Variants in CASZ1 observed in about 807,000 individuals in gnomAD.
The protein encoded by CASZ1 is zinc finger protein castor homolog 1.
A neutral mutation model predicts 135.2 loss-of-function variants in CASZ1; 28 were observed. That is an observed-to-expected ratio of 0.21 (90% CI 0.15 to 0.28). CASZ1 has a LOEUF of 0.28. CASZ1 is among the 10% of genes least tolerant of loss of function. The pLI is 1.00. For synonymous variants in CASZ1, 1,068 were observed against 1,073.4 expected (o/e 0.99, Z 0.10); for missense variants, 2,161 against 2,453.3 (o/e 0.88, Z 2.52).
intron 2 of CASZ1, among the ~76,000 whole-genome samples, chr1:10,729,098 T>G (rs1256239028): frequency 7.9e-3 from 186 of 23,458 alleles, no homozygotes; most frequent in South Asian, 0.012. Flanking sequence ...GGAAGGGGAG[T>G]GGGGAGGAGA....
Position 10,656,756 on chromosome 1 carries a change from G to A in CASZ1, c.1410-20C>T. ...GAGAACCTGGAGGGAGGAGGGGTGG[G>A]GTCAGGGCCCTGCTGTGGGTGACAG... On this transcript the variant is annotated intron_variant, in intron 7 of 20. Coordinates refer to ENST00000377022, the MANE Select transcript of CASZ1 (RefSeq NM_001079843.3). 3.9e-6 allele frequency: 6 copies of A among 1,532,620 alleles called. No individual in the cohort carries two copies. The highest frequency in any genetic ancestry group is 5.3e-6 in the Non-Finnish European group (6 of 1,124,020). The allele number at this position is 1,532,620 out of a possible 1,614,324, so 94.9% of individuals were successfully genotyped here.
At chr1:10,677,057 T>C (rs1054737219) in intron 4 of CASZ1, among the ~76,000 whole-genome samples, 5 of 152,164 alleles carry the variant, frequency 3.3e-5, no homozygotes, top group African/African-American at 1.2e-4. Flanking sequence ...CCCTCTTTCC[T>C]GGGCAGAGCC....
chr1:10,647,836 G>C lies in CASZ1; in HGVS notation c.3462C>G (p.Pro1154=). 1 of 1,613,938 alleles carries C rather than the reference G, an allele frequency of 6.2e-7. No individual in the cohort carries two copies. The highest frequency in any genetic ancestry group is 1.1e-5 in the South Asian group (1 of 91,078). The change falls in exon 16 of 21, where the codon CCC becomes CCG. Residue 1154 remains proline, a synonymous_variant. Transcript: ENST00000377022. The surrounding 1 kb of genome is among the most constrained non-coding windows in gnomAD (Gnocchi z 4.9). ...LATTSLENAK[P]QVKPGFLQFQ... ...ACTGGAGGAATCCGGGTTTGACCTG[G>C]GGCTTGGCGTTCTCTAGAGAAGTCG...
chr1:10,717,593 A>C lies in CASZ1; in HGVS notation c.-76-12049T>G, dbSNP rs552266818. The stretch of plus-strand genomic sequence containing the variant: ...CCCCCTCCAACCAGTTCAGATTTCC[A>C]GCTGCTCAGACACTTTGGGATCAGA... On this transcript the variant is annotated intron_variant, in intron 2 of 20. Transcript: ENST00000377022. This position sits in a 1 kb window ranked among gnomAD's most constrained non-coding sequence, Gnocchi z 4.6. 6.6e-6 allele frequency among the ~76,000 whole-genome samples: 1 copy of C among 152,074 alleles called. No individual in the cohort carries two copies. Among genetic ancestry groups the C allele is most frequent in the South Asian group, 2.1e-4 (1 of 4,826 alleles).
chr1:10,776,506 T>C lies in CASZ1; in HGVS notation c.-233-15649A>G, dbSNP rs908377617. ...TCTTGGCCTCTCAGTACTCGGCAAG[T>C]TCACACCAGAGGGCTCTGACACGAG... On this transcript the variant is annotated intron_variant, in intron 1 of 20. Coordinates refer to ENST00000377022, the MANE Select transcript of CASZ1 (RefSeq NM_001079843.3). The surrounding 1 kb of genome is among the most constrained non-coding windows in gnomAD (Gnocchi z 4.1). Among the ~76,000 whole-genome samples, 1 of 152,196 alleles carries C rather than the reference T, an allele frequency of 6.6e-6. No individual in the cohort carries two copies. Among genetic ancestry groups the C allele is most frequent in the Non-Finnish European group, 1.5e-5 (1 of 68,032 alleles).
intron 15 of CASZ1, 65 bp downstream of exon 15, chr1:10,649,005 C>T: frequency 3.8e-6 from 6 of 1,586,394 alleles, no homozygotes; most frequent in East Asian, 2.3e-5. Flanking sequence ...CTGAGCCCCA[C>T]CCACCCCAGA....
chr1:10,768,027 C>T (rs1009778854), intron 1 of CASZ1, among the ~76,000 whole-genome samples: 1 of 152,186 alleles, frequency 6.6e-6, no homozygotes, highest in Non-Finnish European at 1.5e-5. Flanking sequence ...AGGGGCCTTC[C>T]GGGAGCTGGA....
At chr1:10,753,096 C>A (rs1410998737) in intron 2 of CASZ1, among the ~76,000 whole-genome samples, 1 of 152,170 alleles carries the variant, frequency 6.6e-6, no homozygotes, top group African/African-American at 2.4e-5. Context: ...TAAGTATGTC[C>A]CAAACATTGC....
At chr1:10,783,676 C>T (rs1640803398) in intron 1 of CASZ1, among the ~76,000 whole-genome samples, 1 of 151,828 alleles carries the variant, frequency 6.6e-6, no homozygotes, top group Admixed American at 6.6e-5. Flanking sequence ...GGTTCGAGAC[C>T]AGCCTGACCA....
rs923552130 is a variant in CASZ1, at chr1:10,709,598, AAAAG to A, written c.-76-4058_-76-4055del. On this transcript the variant is annotated intron_variant, in intron 2 of 20. Coordinates refer to ENST00000377022, the MANE Select transcript of CASZ1 (RefSeq NM_001079843.3). The surrounding 1 kb of genome is among the most constrained non-coding windows in gnomAD (Gnocchi z 5.1). The stretch of plus-strand genomic sequence containing the variant: ...TAGGAAAAGCATGTTAAAAGAGTGA[AAAAG>A]AAAGAGAGAGCGGGAGAGGGGGAGA... 5.3e-5 allele frequency among the ~76,000 whole-genome samples: 8 copies of A among 152,156 alleles called. No homozygotes were observed. The South Asian group carries it at 6.2e-4, about 12-fold the overall frequency.
chr1:10,750,354 T>C (rs111793273), intron 2 of CASZ1, among the ~76,000 whole-genome samples: 7,397 of 152,232 alleles, frequency 0.049, 549 homozygotes, highest in African/African-American at 0.16. Flanking sequence ...CAGCTCACTA[T>C]AGCCTCAACC....
At chr1:10,732,937 C>T (rs1446267564) in intron 2 of CASZ1, among the ~76,000 whole-genome samples, 3 of 152,014 alleles carry the variant, frequency 2.0e-5, no homozygotes, top group Non-Finnish European at 4.4e-5. Flanking sequence ...TAATTATCTT[C>T]CCCCACTGGT....
intron 2 of CASZ1, among the ~76,000 whole-genome samples, chr1:10,733,011 C>T (rs1482025241): frequency 6.6e-6 from 1 of 152,118 alleles, no homozygotes; most frequent in African/African-American, 2.4e-5. Context: ...CTCTGTTCTG[C>T]CTGGGAAAGC....
Position 10,708,973 on chromosome 1 carries a change from G to A in CASZ1, c.-76-3429C>T, listed in dbSNP as rs1007715320. On this transcript the variant is annotated intron_variant, in intron 2 of 20. Transcript: ENST00000377022. ...GAAGCAAGGGATGGAGGACGGGGAG[G>A]GGGGGGGCCATGGGTGAGGGAGGGA... 8.0e-4 allele frequency among the ~76,000 whole-genome samples: 115 copies of A among 142,906 alleles called. 1 individual carries two copies. In the East Asian group the frequency reaches 0.018, roughly 23 times the overall value. The allele number at this position is 142,906 out of a possible 152,430, so 93.8% of individuals were successfully genotyped here. A position where few individuals can be genotyped will look rare whatever the true frequency, so the allele number is the denominator to read the frequency against.
intron 2 of CASZ1, among the ~76,000 whole-genome samples, chr1:10,716,180 G>T (rs1189023081): frequency 8.1e-6 from 1 of 123,260 alleles, no homozygotes; most frequent in Non-Finnish European, 1.7e-5. Context: ...CACCCAATCC[G>T]CTCTCCACAG....
intron 4 of CASZ1, among the ~76,000 whole-genome samples, chr1:10,690,513 G>A (rs1398823105): frequency 6.6e-6 from 1 of 152,210 alleles, no homozygotes; most frequent in Admixed American, 6.5e-5. Flanking sequence ...CCCCACAGTT[G>A]AGGCCTGGGC....
At chr1:10,641,570 G>C (rs549252589) in intron 20 of CASZ1, among the ~76,000 whole-genome samples, 1 of 152,194 alleles carries the variant, frequency 6.6e-6, no homozygotes, top group Non-Finnish European at 1.5e-5. Context: ...GGCGTGGCCC[G>C]GGGCTCAGGC....
At chr1:10,674,631 G>A (rs1643508444) in intron 4 of CASZ1, among the ~76,000 whole-genome samples, 1 of 152,238 alleles carries the variant, frequency 6.6e-6, no homozygotes, top group Admixed American at 6.5e-5. Flanking sequence ...GGGCTGCAGA[G>A]CACACGGTGC....
chr1:10,789,893 T>C (rs1557573705), intron 1 of CASZ1, among the ~76,000 whole-genome samples: 1 of 152,202 alleles, frequency 6.6e-6, no homozygotes, highest in Non-Finnish European at 1.5e-5. Flanking sequence ...TTGATTAATT[T>C]TTGCAGAATT....
Sources: gnomAD v4.1 joint callset for allele counts (sites outside exome capture counted in the v4.1 genomes callset) on GRCh38, gnomAD v4.1.1 for gene constraint, Gnocchi (gnomAD v3.1) non-coding constraint, MANE v1.5 for transcripts, NCBI Gene and HGNC (gene_info 2026-07-23, HGNC 2026-07-21) for gene names.